WIPF2: variants seen among roughly 807,000 people sequenced by gnomAD.
WIPF2 encodes the protein WAS/WASL interacting protein family member 2, also known as WAS/WASL-interacting protein family member 2.
In WIPF2, 23 loss-of-function variants were observed where a neutral mutation model predicts 38.8. That is an observed-to-expected ratio of 0.59 (90% CI 0.43 to 0.84). WIPF2 has a LOEUF of 0.84. Among genes scored for constraint, WIPF2 ranks in the 40% least tolerant of loss-of-function variants. The pLI is 0.00. For synonymous variants in WIPF2, 210 were observed against 223.2 expected, an observed-to-expected ratio of 0.94 and a Z score of 0.53; for missense variants, 574 against 580.5, an observed-to-expected ratio of 0.99 and a Z score of 0.11.
chr17:40,253,245 G>C (rs1363522485), intron 1 of WIPF2, among the ~76,000 whole-genome samples: 2 of 151,682 alleles, frequency 1.3e-5, no homozygotes, highest in African/African-American at 4.9e-5. Context: ...TGTATTTTTA[G>C]TAGAGACAGG....
At position 40,238,244 on chromosome 17, in the gene WIPF2, G is replaced by A. The variant is rs569284484; in HGVS notation, c.-69-18147G>A. Among the ~76,000 whole-genome samples the A allele has an allele frequency of 5.9e-5, 9 of 152,026 alleles. No homozygotes were observed. The East Asian group carries it at 1.5e-3, about 26-fold the overall frequency. On this transcript the variant is annotated intron_variant, in intron 1 of 7. Transcript: ENST00000323571. ...TTTGTTACTTTGATTCTTATCTTTCGTGTTAGAGATTTTCTTCAGTTGTTT... is the reference window on the plus strand; with the variant it reads ...TTTGTTACTTTGATTCTTATCTTTCATGTTAGAGATTTTCTTCAGTTGTTT...
intron 1 of WIPF2, among the ~76,000 whole-genome samples, chr17:40,246,189 C>T (rs1171654487): frequency 6.7e-6 from 1 of 149,400 alleles, no homozygotes. Flanking sequence ...CGGGTTCAAG[C>T]GATTCTCCTG....
chr17:40,234,952 T>C (rs1033796983), intron 1 of WIPF2, among the ~76,000 whole-genome samples: 5 of 151,852 alleles, frequency 3.3e-5, no homozygotes, highest in Admixed American at 2.6e-4. Flanking sequence ...AGTCTTGCCC[T>C]GTCACCCAGG....
At chr17:40,254,138 T>G (rs2031648042) in intron 1 of WIPF2, among the ~76,000 whole-genome samples, 1 of 151,960 alleles carries the variant, frequency 6.6e-6, no homozygotes, top group East Asian at 1.9e-4. Context: ...TGCCTGAGCC[T>G]TCCAAGTAAC....
At chr17:40,225,886 G>A (rs1477026596) in intron 1 of WIPF2, among the ~76,000 whole-genome samples, 4 of 151,888 alleles carry the variant, frequency 2.6e-5, no homozygotes, top group East Asian at 1.9e-4. Context: ...AACTTTTGCC[G>A]GCCTCCCAAA....
intron 3 of WIPF2, among the ~76,000 whole-genome samples, chr17:40,261,454 C>T (rs187560012): frequency 1.6e-4 from 24 of 151,970 alleles, no homozygotes; most frequent in Admixed American, 3.3e-4. Context: ...CGTGCCACCA[C>T]GCCTGGCTAA....
At chr17:40,226,683 T>C (rs1440875953) in intron 1 of WIPF2, among the ~76,000 whole-genome samples, 1 of 152,214 alleles carries the variant, frequency 6.6e-6, no homozygotes, top group African/African-American at 2.4e-5. Flanking sequence ...CTTCTTTCCT[T>C]GTCTTAGAAA....
At chr17:40,230,942 G>T (rs957087929) in intron 1 of WIPF2, among the ~76,000 whole-genome samples, 1 of 152,128 alleles carries the variant, frequency 6.6e-6, no homozygotes, top group African/African-American at 2.4e-5. Context: ...TTATAATTCT[G>T]AATATATGAA....
At chr17:40,265,716 A>G (rs2032067793) in intron 5 of WIPF2, among the ~76,000 whole-genome samples, 2 of 152,186 alleles carry the variant, frequency 1.3e-5, no homozygotes, top group Non-Finnish European at 2.9e-5. Flanking sequence ...GGGAGAGCGC[A>G]CTGCAGGATT....
intron 1 of WIPF2, among the ~76,000 whole-genome samples, chr17:40,253,041 C>A (rs929349165): frequency 6.6e-6 from 1 of 151,276 alleles, no homozygotes; most frequent in African/African-American, 2.4e-5. Context: ...GCTAAGATTA[C>A]AGGCATTAGC....
At chr17:40,241,093 G>A (rs2031174831) in intron 1 of WIPF2, among the ~76,000 whole-genome samples, 1 of 152,038 alleles carries the variant, frequency 6.6e-6, no homozygotes. Flanking sequence ...ACACCACAGT[G>A]TCTTTACAGT....
intron 3 of WIPF2, 97 bp downstream of exon 3, chr17:40,260,764 G>T (rs751953387): frequency 6.5e-7 from 1 of 1,533,430 alleles, no homozygotes; most frequent in Non-Finnish European, 9.0e-7. Flanking sequence ...TTGAGTGGGA[G>T]AGTTTTGTCC....
intron 5 of WIPF2, among the ~76,000 whole-genome samples, chr17:40,267,881 C>T (rs72836655): frequency 2.0e-5 from 3 of 152,132 alleles, no homozygotes; most frequent in East Asian, 1.9e-4. Flanking sequence ...TGATGGCTCA[C>T]GCCTTAATCC....
chr17:40,227,896 CAT>C (rs1205752592), intron 1 of WIPF2, among the ~76,000 whole-genome samples: 4 of 147,188 alleles, frequency 2.7e-5, no homozygotes, highest in Admixed American at 6.8e-5. Flanking sequence ...ATACCAGGTA[CAT>C]ATAAAGCAAA....
chr17:40,259,803 T>C (rs2031841304), intron 2 of WIPF2, among the ~76,000 whole-genome samples: 1 of 152,170 alleles, frequency 6.6e-6, no homozygotes, highest in Non-Finnish European at 1.5e-5. Flanking sequence ...ATAATACCTT[T>C]CTCATGGGAA....
rs571310835 is a variant in WIPF2 at position 40,277,250 on chromosome 17, G to A, written c.1282+66G>A. ...AATGTAGAATCTGTGCATTTTCTTA[G>A]GTTAAAATTTGCTTCTCGCTGGGCA... On this transcript the variant is annotated intron_variant, in intron 7 of 7. Transcript: ENST00000323571. 3.5e-4 allele frequency: 506 copies of A among 1,445,198 alleles called. 5 individuals carry two copies. In the South Asian group the frequency reaches 5.6e-3, roughly 16 times the overall value. The allele number at this position is 1,445,198 out of a possible 1,614,324, so 89.5% of individuals were successfully genotyped here.
At chr17:40,245,819 G>T (rs1425692225) in intron 1 of WIPF2, among the ~76,000 whole-genome samples, 1 of 152,136 alleles carries the variant, frequency 6.6e-6, no homozygotes, top group Non-Finnish European at 1.5e-5. Context: ...GAGAGCCATT[G>T]TTCTAGAAAA....
At position 40,264,898 on chromosome 17, in the gene WIPF2, C is replaced by T. The variant is rs1284641647; in HGVS notation, c.722C>T (p.Thr241Ile). Residue 241 changes from threonine (T) to isoleucine (I), a missense_variant, in exon 5 of 8, where the codon ACA (threonine) becomes ATA (isoleucine). Thr to Ile is a moderately conservative substitution (Grantham distance 89). Transcript: ENST00000323571. ...KPPPSPVNIR[T>I]GPSGQSLAPP... The stretch of plus-strand genomic sequence containing the variant: ...CCTCCTTCCCCTGTGAATATCAGAA[C>T]AGGACCAAGTGGCCAGTCTCTGGCT... 1 of 1,614,194 alleles carries T rather than the reference C, an allele frequency of 6.2e-7. No individual in the cohort carries two copies. The highest frequency in any genetic ancestry group is 8.5e-7 in the Non-Finnish European group (1 of 1,180,034).
intron 1 of WIPF2, among the ~76,000 whole-genome samples, chr17:40,242,109 T>C (rs563853561): frequency 6.6e-6 from 1 of 152,306 alleles, no homozygotes; most frequent in East Asian, 1.9e-4. Flanking sequence ...TAATACAATT[T>C]TACAACTTCC....
Sources: gnomAD v4.1 joint callset for allele counts (sites outside exome capture counted in the v4.1 genomes callset) on GRCh38, gnomAD v4.1.1 for gene constraint, MANE v1.5 for transcripts, NCBI Gene and HGNC (gene_info 2026-07-23, HGNC 2026-07-21) for gene names.